Variants in CSRNP3 observed in about 807,000 individuals in gnomAD.
CSRNP3 encodes the protein cysteine and serine rich nuclear protein 3.
In CSRNP3, 12 loss-of-function variants were observed where a neutral mutation model predicts 48.0. That is an observed-to-expected ratio of 0.25 (90% CI 0.16 to 0.41). CSRNP3 has a LOEUF of 0.41. Ranked by LOEUF, CSRNP3 falls within the 10% of genes least tolerant of loss-of-function variation. The probability of loss-of-function intolerance (pLI) is 1.00; values close to 1 mark genes in which losing one functional copy is unlikely to be tolerated. For synonymous variants in CSRNP3, 263 were observed against 269.7 expected, an observed-to-expected ratio of 0.98 and a Z score of 0.24; for missense variants, 580 against 724.4, an observed-to-expected ratio of 0.80 and a Z score of 2.29.
intron 1 of CSRNP3, among the ~76,000 whole-genome samples, chr2:165,474,507 G>A (rs149314727): frequency 0.016 from 2,409 of 152,110 alleles, 61 homozygotes; most frequent in African/African-American, 0.054. Context: ...TCATATTTTA[G>A]TCTTTTATTG....
At chr2:165,527,137 A>C (rs2105240228) in intron 3 of CSRNP3, among the ~76,000 whole-genome samples, 1 of 152,074 alleles carries the variant, frequency 6.6e-6, no homozygotes, top group Admixed American at 6.5e-5. Flanking sequence ...GCTATCTGAA[A>C]TATACACATA....
intron 3 of CSRNP3, among the ~76,000 whole-genome samples, chr2:165,579,121 T>C (rs1038110386): frequency 1.3e-5 from 2 of 152,150 alleles, no homozygotes; most frequent in African/African-American, 4.8e-5. Flanking sequence ...CTTAAACTTA[T>C]AGTTACAGAA....
chr2:165,670,911 A>G (rs1489018409), intron 5 of CSRNP3, among the ~76,000 whole-genome samples: 4 of 152,216 alleles, frequency 2.6e-5, no homozygotes, highest in Non-Finnish European at 5.9e-5. Flanking sequence ...AAAAAAAAGA[A>G]AAAGAAAACA....
intron 4 of CSRNP3, among the ~76,000 whole-genome samples, chr2:165,622,793 G>T (rs1165193174): frequency 6.6e-6 from 1 of 152,168 alleles, no homozygotes. Context: ...CCACTTAACT[G>T]CAAGGAAGGC....
chr2:165,635,239 A>T (rs534049716), intron 4 of CSRNP3, among the ~76,000 whole-genome samples: 1 of 152,286 alleles, frequency 6.6e-6, no homozygotes, highest in Non-Finnish European at 1.5e-5. Flanking sequence ...AAGCTGACTG[A>T]GATCATAGTG....
At chr2:165,666,823 AAAG>A (rs1687223280) in intron 5 of CSRNP3, among the ~76,000 whole-genome samples, 1 of 141,992 alleles carries the variant, frequency 7.0e-6, no homozygotes, top group African/African-American at 2.6e-5. Flanking sequence ...AAAGAGAGAG[AAAG>A]GAAGGACGGA....
In CSRNP3 at chr2:165,644,479, T is replaced by A. The variant is rs140966045; in HGVS notation, c.149-13282T>A. Among the ~76,000 whole-genome samples the A allele has an allele frequency of 7.1e-3, 1,079 of 152,308 alleles. 17 individuals are homozygous for A. The highest frequency in any genetic ancestry group is 0.025 in the African/African-American group (1,025 of 41,560). On this transcript the variant is annotated intron_variant, in intron 4 of 6. Coordinates refer to ENST00000651982, the MANE Select transcript of CSRNP3 (RefSeq NM_001172173.2). Reference sequence around the variant, plus strand: ...GCCCATTGTTTAATTATTCATTCATTCAGTTTAAACCAACATATATAAGTG... The same window carrying A: ...GCCCATTGTTTAATTATTCATTCATACAGTTTAAACCAACATATATAAGTG...
chr2:165,624,786 CA>C, intron 4 of CSRNP3, among the ~76,000 whole-genome samples: 1 of 152,196 alleles, frequency 6.6e-6, no homozygotes, highest in Non-Finnish European at 1.5e-5. Context: ...TCAGCAGTCT[CA>C]GCTGGCATGC....
At chr2:165,666,221 G>GAA (rs1687196823) in intron 5 of CSRNP3, among the ~76,000 whole-genome samples, 2 of 129,052 alleles carry the variant, frequency 1.5e-5, no homozygotes, top group African/African-American at 6.0e-5. Flanking sequence ...GAAAGACAGA[G>GAA]AGGAAGGAAG....
At chr2:165,549,493 T>C (rs555802341) in intron 3 of CSRNP3, among the ~76,000 whole-genome samples, 2 of 152,222 alleles carry the variant, frequency 1.3e-5, no homozygotes, top group African/African-American at 2.4e-5. Context: ...TTTACTCTTT[T>C]ATACCTCTAA....
chr2:165,679,519 A>C lies in CSRNP3; in HGVS notation c.1524A>C (p.Glu508Asp). 6.2e-7 allele frequency: 1 copy of C among 1,613,710 alleles called. No individual in the cohort carries two copies. The highest frequency in any genetic ancestry group is 8.5e-7 in the Non-Finnish European group (1 of 1,179,932). ...TAATCGTTTGCTGCTCCTCTTCCGAAAATGATAGCGGTGTGCCCTGCAATA... is the reference window on the plus strand; with the variant it reads ...TAATCGTTTGCTGCTCCTCTTCCGACAATGATAGCGGTGTGCCCTGCAATA... ...PSVIVCCSSS[E>D]NDSGVPCNSL... The change falls in exon 7 of 7, where the codon GAA becomes GAC. Residue 508 changes from glutamate (E) to aspartate (D), a missense_variant. Coordinates refer to ENST00000651982, the MANE Select transcript of CSRNP3 (RefSeq NM_001172173.2).
chr2:165,574,369 C>A, intron 3 of CSRNP3: 4 of 1,549,956 alleles, frequency 2.6e-6, no homozygotes, highest in Non-Finnish European at 3.5e-6. Context: ...ATGAAGTGTG[C>A]TTTATTTCTG....
At chr2:165,580,677 A>C (rs1463520909) in intron 3 of CSRNP3, among the ~76,000 whole-genome samples, 1 of 152,134 alleles carries the variant, frequency 6.6e-6, no homozygotes, top group Non-Finnish European at 1.5e-5. Context: ...TGATTCCTCT[A>C]AAGGAAAAGG....
intron 3 of CSRNP3, chr2:165,574,269 T>G: frequency 1.0e-6 from 1 of 982,394 alleles, no homozygotes; most frequent in Non-Finnish European, 1.5e-6. Context: ...CAGAAGGGAG[T>G]TCAAAGGTCA....
chr2:165,483,866 G>C (rs1014731833), intron 1 of CSRNP3, among the ~76,000 whole-genome samples: 4 of 151,998 alleles, frequency 2.6e-5, no homozygotes, highest in Admixed American at 2.0e-4. Context: ...CCACCTTGGG[G>C]GTTAGAATTT....
chr2:165,512,629 A>G (rs780180598), intron 2 of CSRNP3, among the ~76,000 whole-genome samples: 5 of 152,260 alleles, frequency 3.3e-5, no homozygotes, highest in Non-Finnish European at 5.9e-5. Context: ...ATATTTCAAC[A>G]TATGTGAAAA....
At chr2:165,502,333 C>A (rs901236618) in intron 2 of CSRNP3, among the ~76,000 whole-genome samples, 5 of 151,868 alleles carry the variant, frequency 3.3e-5, no homozygotes, top group African/African-American at 4.8e-5. Flanking sequence ...AAGAAAAACA[C>A]ACATTTTCTA....
intron 3 of CSRNP3, among the ~76,000 whole-genome samples, 191 bp from the exon 4 acceptor site, chr2:165,594,852 T>C (rs1685782690): frequency 2.0e-5 from 3 of 152,170 alleles, no homozygotes; most frequent in South Asian, 4.1e-4. Context: ...AATGGTTAAA[T>C]ACTCATATTT....
At chr2:165,586,145 C>T (rs898655390) in intron 3 of CSRNP3, among the ~76,000 whole-genome samples, 1 of 152,308 alleles carries the variant, frequency 6.6e-6, no homozygotes, top group East Asian at 1.9e-4. Flanking sequence ...AAGTTCATTT[C>T]TTCCTACATC....
Sources: allele counts gnomAD v4.1 joint callset (sites outside exome capture counted in the v4.1 genomes callset), GRCh38; gene constraint gnomAD v4.1.1; transcripts MANE v1.5; gene names NCBI Gene and HGNC (gene_info 2026-07-23, HGNC 2026-07-21).